Variants in HADHB observed in about 807,000 individuals in gnomAD.
HADHB encodes hydroxyacyl-CoA dehydrogenase trifunctional multienzyme complex subunit beta.
In HADHB, 50 loss-of-function variants were observed where a neutral mutation model predicts 61.9. The ratio of observed to expected loss-of-function variants is 0.81; its 90% CI spans 0.64 to 1.02. The LOEUF (loss-of-function observed/expected upper bound fraction) is 1.02. HADHB is among the 50% of genes least tolerant of loss of function. The pLI, the probability that HADHB is intolerant of heterozygous loss-of-function variation, is 0.00. For synonymous variants in HADHB, 191 were observed against 201.6 expected, an observed-to-expected ratio of 0.95 and a Z score of 0.45; for missense variants, 504 against 586.5, an observed-to-expected ratio of 0.86 and a Z score of 1.45.
At chr2:26,282,241 G>A (rs778294966) in intron 10 of HADHB, among the ~76,000 whole-genome samples, 70 of 149,168 alleles carry the variant, frequency 4.7e-4, no homozygotes, top group Non-Finnish European at 8.5e-4. Context: ...TTTATTATGA[G>A]CAGTTCTTTC....
Position 26,282,843 on chromosome 2 carries a change from A to G in HADHB, c.934-2A>G. ...TTAACATTGTGCTGGTTAACATTTC[A>G]GACTGATGGTGCATCTGCAATGTTA... is the stretch of plus-strand genomic sequence containing the variant. On this transcript the variant is annotated splice_acceptor_variant, in intron 10 of 15. Coordinates refer to ENST00000317799, the MANE Select transcript of HADHB (RefSeq NM_000183.3). LOFTEE classifies it high-confidence loss of function. 1 of 1,608,310 alleles carries G rather than the reference A, an allele frequency of 6.2e-7. No homozygotes were observed.
At chr2:26,247,067 C>G (rs940423247) in intron 1 of HADHB, among the ~76,000 whole-genome samples, 1 of 152,156 alleles carries the variant, frequency 6.6e-6, no homozygotes, top group Non-Finnish European at 1.5e-5. Context: ...TTAACCATTA[C>G]GTTGTGTTTC....
rs866146868 is a variant in HADHB, at chr2:26,261,212, A to C, written c.110-2168A>C. 4.4e-4 allele frequency: 165 copies of C among 371,040 alleles called. 1 individual carries two copies. The highest frequency in any genetic ancestry group is 1.1e-3 in the South Asian group (13 of 11,328). 23.0% of individuals were successfully genotyped at this position (371,040 alleles called of 1,614,324 possible). Reference sequence around the variant, plus strand: ...CCAAAACAACAACAACACAACAAATACCCCCCCCCCATCCAGACAAACAAA... The same window carrying C: ...CCAAAACAACAACAACACAACAAATCCCCCCCCCCCATCCAGACAAACAAA... On this transcript the variant is annotated intron_variant, in intron 3 of 15. Coordinates refer to ENST00000317799, the MANE Select transcript of HADHB (RefSeq NM_000183.3).
chr2:26,282,506 G>C (rs965467234), intron 10 of HADHB, among the ~76,000 whole-genome samples: 4 of 151,986 alleles, frequency 2.6e-5, no homozygotes, highest in African/African-American at 4.8e-5. Context: ...TGATCTGCCC[G>C]CCTCAGCCTC....
chr2:26,265,912 C>T (rs1049914552), intron 4 of HADHB, among the ~76,000 whole-genome samples: 1 of 151,626 alleles, frequency 6.6e-6, no homozygotes, highest in African/African-American at 2.4e-5. Context: ...TAAAAAATAA[C>T]ATTAGAGGCC....
At chr2:26,261,295 G>T (rs1445829040) in intron 3 of HADHB, 1 of 451,514 alleles carries the variant, frequency 2.2e-6, no homozygotes, top group East Asian at 3.3e-5. Flanking sequence ...AAGAAATAGA[G>T]GGGGCTGTGG....
chr2:26,251,977 G>A (rs1370363646), intron 1 of HADHB, among the ~76,000 whole-genome samples: 3 of 152,198 alleles, frequency 2.0e-5, no homozygotes, highest in Admixed American at 6.5e-5. Context: ...CCATAAGGTG[G>A]CTGTCAGAAT....
At chr2:26,285,079 C>A in intron 14 of HADHB, 122 bp downstream of exon 14, 1 of 684,768 alleles carries the variant, frequency 1.5e-6, no homozygotes, top group Non-Finnish European at 2.6e-6. Flanking sequence ...TTTTGTCTTT[C>A]ATTAAAGATA....
chr2:26,269,319 C>T (rs921681695), intron 4 of HADHB, among the ~76,000 whole-genome samples: 2 of 152,098 alleles, frequency 1.3e-5, no homozygotes, highest in African/African-American at 4.8e-5. Flanking sequence ...CTCAGCCTCC[C>T]AAGTAGCTAG....
intron 4 of HADHB, among the ~76,000 whole-genome samples, chr2:26,266,223 A>G (rs1287233932): frequency 1.3e-5 from 2 of 152,000 alleles, no homozygotes; most frequent in East Asian, 1.9e-4. Flanking sequence ...CTATGAACGT[A>G]TATGAGCTAT....
intron 15 of HADHB, among the ~76,000 whole-genome samples, chr2:26,286,949 A>C (rs1673061622): frequency 6.6e-6 from 1 of 151,008 alleles, no homozygotes; most frequent in Non-Finnish European, 1.5e-5. Flanking sequence ...CACGCCTGTA[A>C]TCCCAACACT....
At chr2:26,258,569 G>T (rs1410977749) in intron 3 of HADHB, among the ~76,000 whole-genome samples, 1 of 152,220 alleles carries the variant, frequency 6.6e-6, no homozygotes, top group African/African-American at 2.4e-5. Flanking sequence ...TCAACAGCGG[G>T]TCTGCGACAG....
chr2:26,280,054 A>G lies in HADHB; in HGVS notation c.872A>G (p.Lys291Arg), dbSNP rs573709691. The change falls in exon 10 of 16, where the codon AAA becomes AGA. Residue 291 changes from lysine to arginine, a missense_variant. Physicochemically the swap from Lys to Arg is conservative, Grantham distance 26 (BLOSUM62 2). Coordinates refer to ENST00000317799, the MANE Select transcript of HADHB (RefSeq NM_000183.3). Reference sequence around the variant, plus strand: ...CCTTCCTCACTGGAGCAGATGGCCAAACTAAAACCTGCATTCATCAAGCCC... The same window carrying G: ...CCTTCCTCACTGGAGCAGATGGCCAGACTAAAACCTGCATTCATCAAGCCC... ...IRPSSLEQMA[K>R]LKPAFIKPYG... 5.0e-6 allele frequency: 8 copies of G among 1,611,168 alleles called. No homozygotes were observed. The highest frequency in any genetic ancestry group is 3.3e-5 in the Admixed American group (2 of 60,026).
chr2:26,287,677 C>T lies in HADHB; in HGVS notation c.1389+2106C>T, dbSNP rs540322395. Among the ~76,000 whole-genome samples the T allele has an allele frequency of 3.3e-5, 5 of 152,304 alleles. No individual in the cohort carries two copies. The South Asian group carries it at 8.3e-4, about 25-fold the overall frequency. On this transcript the variant is annotated intron_variant, in intron 15 of 15. Coordinates refer to ENST00000317799, the MANE Select transcript of HADHB (RefSeq NM_000183.3). ...CTTGACATTGTTTGATCAAGAGCCA[C>T]GTGAGCAATACCAACATGGTTGGAG...
At chr2:26,251,658 T>C (rs1671403095) in intron 1 of HADHB, among the ~76,000 whole-genome samples, 2 of 152,182 alleles carry the variant, frequency 1.3e-5, no homozygotes, top group African/African-American at 4.8e-5. Context: ...CATGGGCCTC[T>C]TTGTGTTTCT....
At chr2:26,278,586 T>C in intron 7 of HADHB, 28 bp from the exon 8 acceptor site, 1 of 1,577,994 alleles carries the variant, frequency 6.3e-7, no homozygotes, top group Non-Finnish European at 8.7e-7. Flanking sequence ...GTAAAAGATA[T>C]TCATGAAGTA....
rs2147825142 is a variant in HADHB at position 26,278,881 on chromosome 2, T to C, written c.630+80T>C. The C allele has an allele frequency of 3.4e-6, 4 of 1,168,914 alleles. No homozygotes were observed. In the South Asian group the frequency reaches 4.9e-5, roughly 14 times the overall value. 72.4% of individuals were successfully genotyped at this position (1,168,914 alleles called of 1,614,324 possible). ...CAGTGTGGACTCTGCTATGCTGTAA[T>C]AGGTGTAGATTCTGTAGTTACAGGA... On this transcript the variant is annotated intron_variant, in intron 8 of 15. Coordinates refer to ENST00000317799, the MANE Select transcript of HADHB (RefSeq NM_000183.3).
At chr2:26,252,327 G>A (rs892880320) in intron 1 of HADHB, among the ~76,000 whole-genome samples, 1 of 152,194 alleles carries the variant, frequency 6.6e-6, no homozygotes, top group African/African-American at 2.4e-5. Context: ...TTGGAGGCTG[G>A]CTACCAAAGT....
At chr2:26,248,308 T>C (rs896540429) in intron 1 of HADHB, among the ~76,000 whole-genome samples, 4 of 152,246 alleles carry the variant, frequency 2.6e-5, no homozygotes, top group African/African-American at 9.6e-5. Context: ...CTTAACTGTT[T>C]CCTACTGATG....
Sources: allele counts gnomAD v4.1 joint callset (sites outside exome capture counted in the v4.1 genomes callset), GRCh38; gene constraint gnomAD v4.1.1; transcripts MANE v1.5; gene names NCBI Gene and HGNC (gene_info 2026-07-23, HGNC 2026-07-21).